The following PLIN1 variants were observed in gnomAD, a reference collection of about 807,000 sequenced individuals.
PLIN1 encodes perilipin-1.
A neutral mutation model predicts 45.8 loss-of-function variants in PLIN1; 37 were observed. That is an observed-to-expected ratio of 0.81 (90% confidence interval 0.62 to 1.06). The LOEUF is 1.06. PLIN1 is among the 50% of genes least tolerant of loss of function. The pLI is 0.00. For missense variants in PLIN1, 776 were observed against 716.5 expected (o/e 1.08, Z -0.95); for synonymous variants, 340 against 309.2 (o/e 1.10, Z -1.05).
Position 89,664,789 on chromosome 15 carries a change from A to G in PLIN1, c.*794T>C. The G allele has an allele frequency of 9.1e-6, 4 of 438,210 alleles. No individual in the cohort carries two copies. In the Middle Eastern group the frequency reaches 1.3e-3, roughly 147 times the overall value. The allele number at this position is 438,210 out of a possible 1,614,324, so 27.1% of individuals were successfully genotyped here. A position where few individuals can be genotyped will look rare whatever the true frequency, so the allele number is the denominator to read the frequency against. On this transcript the variant is annotated 3_prime_UTR_variant, in exon 9 of 9. Transcript: ENST00000300055. ...TGAATGCATTTTCTAGATTTATCAA[A>G]TATTAACATTTCGAAGACTAGGGTT...
At chr15:89,675,164 C>A (rs920988978) in intron 2 of PLIN1, among the ~76,000 whole-genome samples, 2 of 152,000 alleles carry the variant, frequency 1.3e-5, no homozygotes, top group Non-Finnish European at 2.9e-5. Context: ...ACTCTGGGTG[C>A]GATCTGCACG....
At position 89,667,137 on chromosome 15, in the gene PLIN1, T is replaced by C. The variant is rs772588847; in HGVS notation, c.1008A>G (p.Ala336=). The change falls in exon 8 of 9, where the codon GCA becomes GCG. Residue 336 remains alanine, a synonymous_variant. Coordinates refer to ENST00000300055, the MANE Select transcript of PLIN1 (RefSeq NM_002666.5). The part of the protein sequence containing the change: ...PGPRGLLGGV[A]HTLQKTLQTT... ...TCTGGAGGGTCTTCTGCAGGGTATGTGCCACACCACCCAGGAGGCCTCGAG... is the reference window on the plus strand; with the variant it reads ...TCTGGAGGGTCTTCTGCAGGGTATGCGCCACACCACCCAGGAGGCCTCGAG... 1.2e-6 allele frequency: 2 copies of C among 1,613,850 alleles called. No individual in the cohort carries two copies. Among genetic ancestry groups the C allele is most frequent in the South Asian group, 2.2e-5 (2 of 91,070 alleles).
Position 89,671,489 on chromosome 15 carries a change from G to C in PLIN1, c.326C>G (p.Pro109Arg). ...GAGGTGGGAAGGGCTCACCTTTTCA[G>C]GGGGGTACTGGAGGGCGGGGATCTT... ...EEKIPALQYP[P>R]EKIASELKDT... The change falls in exon 4 of 9, where the codon CCT (proline) becomes CGT (arginine). Residue 109 changes from proline to arginine, a missense_variant. Physicochemically the swap from Pro to Arg is moderately radical, Grantham distance 103 (BLOSUM62 -2). Transcript: ENST00000300055. 3 of 1,567,472 alleles carry C rather than the reference G, an allele frequency of 1.9e-6. No homozygotes were observed. Among genetic ancestry groups the C allele is most frequent in the Non-Finnish European group, 2.6e-6 (3 of 1,154,434 alleles).
intron 6 of PLIN1, 31 bp downstream of exon 6, chr15:89,669,469 G>A (rs772929574): frequency 1.4e-5 from 22 of 1,595,290 alleles, no homozygotes; most frequent in African/African-American, 9.4e-5. Context: ...CCCAGGCACC[G>A]GGTCAGTCAG....
Position 89,664,882 on chromosome 15 carries a change from A to G in PLIN1, c.*701T>C. The stretch of plus-strand genomic sequence containing the variant: ...CATTTTGGTTCCCCAGCATCAAAAG[A>G]GTGACTATGCAGGTGAAGGCAGTAA... On this transcript the variant is annotated 3_prime_UTR_variant, in exon 9 of 9. Transcript: ENST00000300055. The G allele has an allele frequency of 2.2e-6, 1 of 456,066 alleles. No homozygotes were observed. The highest frequency in any genetic ancestry group is 4.4e-6 in the Non-Finnish European group (1 of 226,794). 28.3% of individuals were successfully genotyped at this position (456,066 alleles called of 1,614,324 possible). A position where few individuals can be genotyped will look rare whatever the true frequency, so the allele number is the denominator to read the frequency against.
chr15:89,666,963 CA>C lies in PLIN1; in HGVS notation c.1181del (p.Val394GlyfsTer16). ...SDALKGVTDN[V>X]VDTVVHYVPL... ...GCACGTAATGCACCACTGTGTCCACCACGTTGTCAGTAACGCCCTTCAGGGC... is the reference window on the plus strand; with the variant it reads ...GCACGTAATGCACCACTGTGTCCACCCGTTGTCAGTAACGCCCTTCAGGGC... On this transcript the variant is annotated frameshift_variant, in exon 8 of 9. Transcript: ENST00000300055. LOFTEE classifies it low-confidence loss of function (END_TRUNC). 6.2e-7 allele frequency: 1 copy of C among 1,614,102 alleles called. No homozygotes were observed. Among genetic ancestry groups the C allele is most frequent in the Non-Finnish European group, 8.5e-7 (1 of 1,179,976 alleles).
rs142914066 is a variant in PLIN1, at chr15:89,667,287, A to G, written c.964-106T>C. ...GAAAGCATGAGAATACCAAATTTAC[A>G]AAACTTCAGGCCTATTCTGCCACTA... On this transcript the variant is annotated intron_variant, in intron 7 of 8. Transcript: ENST00000300055. 9.5e-4 allele frequency: 1,404 copies of G among 1,482,340 alleles called. 9 individuals carry two copies. In the African/African-American group the frequency reaches 0.017, roughly 18 times the overall value. The allele number at this position is 1,482,340 out of a possible 1,614,324, so 91.8% of individuals were successfully genotyped here. A position where few individuals can be genotyped will look rare whatever the true frequency, so the allele number is the denominator to read the frequency against.
At position 89,677,492 on chromosome 15, in the gene PLIN1, T is replaced by G; in HGVS notation, c.-3A>C. The G allele has an allele frequency of 6.2e-7, 1 of 1,614,062 alleles. No individual in the cohort carries two copies. Among genetic ancestry groups the G allele is most frequent in the South Asian group, 1.1e-5 (1 of 91,082 alleles). ...GTGAGGCCTTTGTTGACTGCCATCC[T>G]CGCTCCTCAAGCTGCAAAACAGAGT... is the stretch of plus-strand genomic sequence containing the variant. On this transcript the variant is annotated 5_prime_UTR_variant, in exon 2 of 9. Transcript: ENST00000300055.
At chr15:89,676,129 C>T (rs534931116) in intron 2 of PLIN1, among the ~76,000 whole-genome samples, 4 of 152,212 alleles carry the variant, frequency 2.6e-5, no homozygotes, top group East Asian at 1.9e-4. Context: ...TGGTTTTGCT[C>T]GCAAAGTGAA....
At position 89,665,775 on chromosome 15, in the gene PLIN1, C is replaced by G; in HGVS notation, c.1377G>C (p.Ala459=). The G allele has an allele frequency of 7.9e-7, 1 of 1,262,516 alleles. No individual in the cohort carries two copies. Among genetic ancestry groups the G allele is most frequent in the East Asian group, 3.3e-5 (1 of 30,494 alleles). 78.2% of individuals were successfully genotyped at this position (1,262,516 alleles called of 1,614,324 possible). ...GGCCGGGGGGCGCGCCGGGGCTCTGCGCGCTGCGCAGGCTGCGGCGGGGCT... is the reference window on the plus strand; with the variant it reads ...GGCCGGGGGGCGCGCCGGGGCTCTGGGCGCTGCGCAGGCTGCGGCGGGGCT... ...LAQPRRSLRS[A]QSPGAPPGPG... is the part of the protein sequence containing the mutation. Residue 459 remains alanine, a synonymous_variant, in exon 9 of 9, where the codon GCG becomes GCC. Coordinates refer to ENST00000300055, the MANE Select transcript of PLIN1 (RefSeq NM_002666.5).
intron 7 of PLIN1, 29 bp downstream of exon 7, chr15:89,667,573 G>T (rs777315461): frequency 7.4e-6 from 12 of 1,613,998 alleles, no homozygotes; most frequent in East Asian, 4.5e-5. Flanking sequence ...TGGGCTGGGG[G>T]ACCTTGAGGC....
At chr15:89,673,127 TCAGA>T in intron 3 of PLIN1, 79 bp downstream of exon 3, 1 of 1,049,484 alleles carries the variant, frequency 9.5e-7, no homozygotes, top group Non-Finnish European at 1.4e-6. Context: ...TATCAGACAG[TCAGA>T]CAGACTGAGA....
chr15:89,674,701 A>G (rs1231413376), intron 2 of PLIN1, among the ~76,000 whole-genome samples: 1 of 152,002 alleles, frequency 6.6e-6, no homozygotes, highest in East Asian at 1.9e-4. Flanking sequence ...TTCCTCATCC[A>G]TGGGTTGGCC....
At chr15:89,665,967 A>G in intron 8 of PLIN1, 25 bp from the exon 9 acceptor site, 1 of 1,467,094 alleles carries the variant, frequency 6.8e-7, no homozygotes, top group East Asian at 2.8e-5. Context: ...GCCGCCTTAG[A>G]GTCCTGGCTT....
chr15:89,667,973 C>T (rs1444290055), intron 6 of PLIN1, among the ~76,000 whole-genome samples, 180 bp from the exon 7 acceptor site: 2 of 152,188 alleles, frequency 1.3e-5, no homozygotes, highest in African/African-American at 4.8e-5. Context: ...AAAGTGCACA[C>T]ATCTTTAGTG....
chr15:89,675,614 T>A (rs1964504746), intron 2 of PLIN1, among the ~76,000 whole-genome samples: 1 of 151,718 alleles, frequency 6.6e-6, no homozygotes. Flanking sequence ...ATCTAAAAAA[T>A]AAATAAATAA....
At chr15:89,670,868 G>T (rs1964428821) in intron 4 of PLIN1, among the ~76,000 whole-genome samples, 1 of 152,174 alleles carries the variant, frequency 6.6e-6, no homozygotes, top group Non-Finnish European at 1.5e-5. Flanking sequence ...GTGGATTAAA[G>T]AAGAGCGCTT....
Position 89,667,872 on chromosome 15 carries a change from G to A in PLIN1, c.772-79C>T, listed in dbSNP as rs539792784. Reference sequence around the variant, plus strand: ...GGAGCCCCAGCAGCCCAAGCCCCTCGCCCCCAGGGTCCGGGCCAGGTGGTG... The same window carrying A: ...GGAGCCCCAGCAGCCCAAGCCCCTCACCCCCAGGGTCCGGGCCAGGTGGTG... On this transcript the variant is annotated intron_variant, in intron 6 of 8. Transcript: ENST00000300055. 308 of 1,530,342 alleles carry A rather than the reference G, an allele frequency of 2.0e-4. 1 individual carries two copies. The highest frequency in any genetic ancestry group is 6.6e-4 in the East Asian group (27 of 40,748). The allele number at this position is 1,530,342 out of a possible 1,614,324, so 94.8% of individuals were successfully genotyped here. A position where few individuals can be genotyped will look rare whatever the true frequency, so the allele number is the denominator to read the frequency against.
chr15:89,667,912 C>T, intron 6 of PLIN1, 119 bp from the exon 7 acceptor site: 1 of 1,463,004 alleles, frequency 6.8e-7, no homozygotes, highest in Non-Finnish European at 9.0e-7. Flanking sequence ...GGGCTCAGCC[C>T]CAGCAGACTT....
Sources: allele counts gnomAD v4.1 joint callset (sites outside exome capture counted in the v4.1 genomes callset), GRCh38; gene constraint gnomAD v4.1.1; transcripts MANE v1.5; gene names NCBI Gene and HGNC (gene_info 2026-07-23, HGNC 2026-07-21).